USP48: variants seen among roughly 807,000 people sequenced by gnomAD.
The protein encoded by USP48 is ubiquitin carboxyl-terminal hydrolase 48.
Under a neutral mutation model 150.7 loss-of-function variants are expected in USP48, and 43 were observed. The observed-to-expected ratio is 0.29, with a 90% CI of 0.22 to 0.37. The LOEUF (loss-of-function observed/expected upper bound fraction) is 0.37, where lower values mean the gene tolerates loss of function less well. USP48 is among the 10% of genes least tolerant of loss of function. The pLI, the probability that USP48 is intolerant of heterozygous loss-of-function variation, is 1.00. For missense variants in USP48, 813 were observed against 1,249.6 expected, an observed-to-expected ratio of 0.65 and a Z score of 5.27; for synonymous variants, 396 against 425.9, an observed-to-expected ratio of 0.93 and a Z score of 0.86.
intron 25 of USP48, among the ~76,000 whole-genome samples, chr1:21,685,646 AT>A (rs1326725852): frequency 1.3e-5 from 2 of 152,084 alleles, no homozygotes; most frequent in African/African-American, 4.8e-5. Flanking sequence ...GCTAGTTCTT[AT>A]TGATGTATAG....
At chr1:21,734,806 A>G (rs2097765139) in intron 9 of USP48, among the ~76,000 whole-genome samples, 1 of 152,246 alleles carries the variant, frequency 6.6e-6, no homozygotes. Flanking sequence ...GACAATGGGA[A>G]GAAAGTGATA....
chr1:21,728,772 T>C, intron 10 of USP48, 53 bp from the exon 11 acceptor site: 2 of 1,589,476 alleles, frequency 1.3e-6, no homozygotes, highest in Non-Finnish European at 1.7e-6. Context: ...TCACATATAG[T>C]GAACCATGCT....
At chr1:21,695,682 C>T (rs973426041) in intron 22 of USP48, among the ~76,000 whole-genome samples, 10 of 152,146 alleles carry the variant, frequency 6.6e-5, no homozygotes, top group Non-Finnish European at 8.8e-5. Context: ...GGACTCCAGT[C>T]TGCTGACAGA....
At chr1:21,697,972 A>T (rs938665659) in intron 22 of USP48, among the ~76,000 whole-genome samples, 6 of 152,104 alleles carry the variant, frequency 3.9e-5, no homozygotes, top group Non-Finnish European at 7.3e-5. Context: ...CCCAATACCG[A>T]GTATATTATT....
At chr1:21,768,226 G>A (rs2097867898) in intron 1 of USP48, 1 of 152,400 alleles carries the variant, frequency 6.6e-6, no homozygotes, top group African/African-American at 2.4e-5. Context: ...AAAAGAGTTT[G>A]CAAAATAGAA....
chr1:21,697,971 G>A (rs921190715), intron 22 of USP48, among the ~76,000 whole-genome samples: 3 of 151,996 alleles, frequency 2.0e-5, no homozygotes, highest in East Asian at 1.9e-4. Context: ...ACCCAATACC[G>A]AGTATATTAT....
At chr1:21,744,848 G>A (rs1191204204) in intron 8 of USP48, among the ~76,000 whole-genome samples, 1 of 145,780 alleles carries the variant, frequency 6.9e-6, no homozygotes, top group Non-Finnish European at 1.5e-5. Context: ...ACTTGAGTTT[G>A]AGAGTCAGGG....
At position 21,736,637 on chromosome 1, in the gene USP48, G is replaced by A; in HGVS notation, c.992-12C>T. ...CACGTAGGACCCACCTGGAGAGAAAGGGAGAAAGTAAAAGAAACGTTGGAT... is the reference window on the plus strand; with the variant it reads ...CACGTAGGACCCACCTGGAGAGAAAAGGAGAAAGTAAAAGAAACGTTGGAT... On this transcript the variant is annotated splice_polypyrimidine_tract_variant and intron_variant, in intron 8 of 26. Transcript: ENST00000308271. 1 of 1,372,952 alleles carries A rather than the reference G, an allele frequency of 7.3e-7. No homozygotes were observed. The highest frequency in any genetic ancestry group is 9.5e-7 in the Non-Finnish European group (1 of 1,056,888). The allele number at this position is 1,372,952 out of a possible 1,614,324, so 85.0% of individuals were successfully genotyped here.
At chr1:21,769,420 AT>A (rs1045099672) in intron 1 of USP48, among the ~76,000 whole-genome samples, 147 of 145,472 alleles carry the variant, frequency 1.0e-3, no homozygotes, top group African/African-American at 2.0e-3. Context: ...AGCAGAAACA[AT>A]TTTTTTTTTT....
intron 1 of USP48, among the ~76,000 whole-genome samples, chr1:21,759,494 T>C (rs532902292): frequency 5.3e-5 from 8 of 152,224 alleles, no homozygotes; most frequent in Non-Finnish European, 2.9e-5. Flanking sequence ...ACTAAAAGAA[T>C]CCCGTGCTCC....
Position 21,783,045 on chromosome 1 carries a change from G to A in USP48, c.-88C>T. On this transcript the variant is annotated 5_prime_UTR_variant, in exon 1 of 27. Transcript: ENST00000308271. ...GCCGCCCCAATGGGCTTCGCCACCT[G>A]CCAGCAAGGAGGACCTGGCGCTCCT... The A allele has an allele frequency of 7.1e-7, 1 of 1,403,392 alleles. No individual in the cohort carries two copies. Among genetic ancestry groups the A allele is most frequent in the South Asian group, 1.6e-5 (1 of 64,250 alleles). The allele number at this position is 1,403,392 out of a possible 1,614,324, so 86.9% of individuals were successfully genotyped here.
intron 15 of USP48, among the ~76,000 whole-genome samples, chr1:21,708,072 G>T (rs2152523531): frequency 6.6e-6 from 1 of 152,278 alleles, no homozygotes; most frequent in South Asian, 2.1e-4. Flanking sequence ...TGAGGCAAGA[G>T]GACTCCTTGA....
chr1:21,774,330 T>C (rs753683959), intron 1 of USP48, among the ~76,000 whole-genome samples: 1 of 152,006 alleles, frequency 6.6e-6, no homozygotes, highest in Non-Finnish European at 1.5e-5. Context: ...TTCATTACAG[T>C]TACCATTTTA....
chr1:21,679,592 C>T (rs566542684), intron 26 of USP48, among the ~76,000 whole-genome samples, 153 bp from the exon 27 acceptor site: 69 of 152,304 alleles, frequency 4.5e-4, no homozygotes, highest in African/African-American at 1.5e-3. Flanking sequence ...GACAAAATAC[C>T]AGCAGACTCC....
At chr1:21,684,195 T>C (rs1432123551) in intron 25 of USP48, among the ~76,000 whole-genome samples, 1 of 152,254 alleles carries the variant, frequency 6.6e-6, no homozygotes, top group African/African-American at 2.4e-5. Context: ...TTTAGTTTTC[T>C]GAGAAACTTC....
At chr1:21,735,167 G>C (rs1317712768) in intron 9 of USP48, among the ~76,000 whole-genome samples, 1 of 152,194 alleles carries the variant, frequency 6.6e-6, no homozygotes, top group Non-Finnish European at 1.5e-5. Flanking sequence ...TAATGCCCAT[G>C]ATCCTCCCCT....
intron 26 of USP48, 107 bp from the exon 27 acceptor site, chr1:21,679,546 A>T: frequency 7.2e-7 from 1 of 1,392,158 alleles, no homozygotes; most frequent in Non-Finnish European, 1.0e-6. Flanking sequence ...CAAATTTAAT[A>T]AATGAACACA....
intron 9 of USP48, among the ~76,000 whole-genome samples, chr1:21,734,799 A>G (rs1259735744): frequency 6.6e-6 from 1 of 152,250 alleles, no homozygotes; most frequent in Non-Finnish European, 1.5e-5. Flanking sequence ...TCTGACAGAC[A>G]ATGGGAAGAA....
intron 12 of USP48, among the ~76,000 whole-genome samples, chr1:21,723,349 G>A (rs940314747): frequency 1.1e-4 from 16 of 151,788 alleles, no homozygotes; most frequent in African/African-American, 3.6e-4. Context: ...GTGAAACCCC[G>A]TCTCTACTAA....
Sources: gnomAD v4.1 joint callset for allele counts (sites outside exome capture counted in the v4.1 genomes callset) on GRCh38, gnomAD v4.1.1 for gene constraint, MANE v1.5 for transcripts, NCBI Gene and HGNC (gene_info 2026-07-23, HGNC 2026-07-21) for gene names.